L3MBTL4: variants seen among roughly 807,000 people sequenced by gnomAD.
L3MBTL4 encodes the protein L3MBTL histone methyl-lysine binding protein 4, also known as lethal(3)malignant brain tumor-like protein 4.
L3MBTL4 carries 70 observed loss-of-function variants against 84.5 expected under a neutral mutation model. The ratio of observed to expected loss-of-function variants is 0.83; its 90% CI spans 0.68 to 1.01. L3MBTL4 has a LOEUF of 1.01. L3MBTL4 is among the 50% of genes least tolerant of loss of function. The probability of loss-of-function intolerance (pLI) is 0.00; values close to 1 mark genes in which losing one functional copy is unlikely to be tolerated. For missense variants in L3MBTL4, 715 were observed against 754.8 expected (o/e 0.95, Z 0.62); for synonymous variants, 274 against 259.8 (o/e 1.05, Z -0.52).
intron 5 of L3MBTL4, among the ~76,000 whole-genome samples, chr18:6,252,990 T>G (rs1223563548): frequency 6.6e-6 from 1 of 152,086 alleles, no homozygotes. Context: ...GATCATGAGG[T>G]CAAGAGATCA....
chr18:5,997,717 A>T (rs1450046484), intron 16 of L3MBTL4, among the ~76,000 whole-genome samples: 1 of 151,982 alleles, frequency 6.6e-6, no homozygotes, highest in Non-Finnish European at 1.5e-5. Flanking sequence ...CTGTGCCCTG[A>T]TCACCTTGGG....
intron 13 of L3MBTL4, among the ~76,000 whole-genome samples, chr18:6,155,666 G>C (rs145596639): frequency 6.6e-6 from 1 of 152,068 alleles, no homozygotes; most frequent in African/African-American, 2.4e-5. Flanking sequence ...AAGCATAAAC[G>C]AAAAGTAACA....
intron 16 of L3MBTL4, among the ~76,000 whole-genome samples, chr18:6,005,512 C>T (rs1260475760): frequency 6.6e-6 from 1 of 152,122 alleles, no homozygotes; most frequent in Non-Finnish European, 1.5e-5. Flanking sequence ...TAAGTAGGCC[C>T]TGCTGTCTGT....
rs541868914 is a variant in L3MBTL4, at chr18:5,994,746, A to G, written c.1445-25184T>C. Among the ~76,000 whole-genome samples the G allele has an allele frequency of 1.0e-3, 154 of 152,258 alleles. 4 individuals carry two copies. The highest frequency in any genetic ancestry group is 9.9e-3 in the Admixed American group (151 of 15,292). ...GCGACTCCACCAAGCAGGGGCCCCA[A>G]TACTTGCTGGGTTCTCCTTAGACTG... On this transcript the variant is annotated intron_variant, in intron 16 of 18. Transcript: ENST00000317931.
intron 4 of L3MBTL4, among the ~76,000 whole-genome samples, chr18:6,284,209 A>T (rs1388312521): frequency 6.6e-6 from 1 of 152,226 alleles, no homozygotes; most frequent in Non-Finnish European, 1.5e-5. Flanking sequence ...TTAAGGAATT[A>T]GTCTATTCTA....
chr18:6,053,062 GTCTT>G (rs2056892067), intron 16 of L3MBTL4, among the ~76,000 whole-genome samples: 2 of 152,148 alleles, frequency 1.3e-5, no homozygotes, highest in South Asian at 2.1e-4. Context: ...TGTTCATTGT[GTCTT>G]TCTATTTTTA....
At chr18:6,277,329 A>C (rs1010358558) in intron 4 of L3MBTL4, among the ~76,000 whole-genome samples, 1 of 152,198 alleles carries the variant, frequency 6.6e-6, no homozygotes, top group African/African-American at 2.4e-5. Context: ...TCTTTAATCT[A>C]TTTGAAATTT....
rs181682654 is a variant in L3MBTL4 at position 6,321,535 on chromosome 18, A to G, written c.-90-9479T>C. Among the ~76,000 whole-genome samples the G allele has an allele frequency of 2.5e-3, 384 of 152,330 alleles. 2 individuals carry two copies. The highest frequency in any genetic ancestry group is 8.7e-3 in the African/African-American group (362 of 41,574). Reference sequence around the variant, plus strand: ...CTTTAAAAACTAAAAGATCTATTCAATTCAGCAATCCCACTACTGGGTATC... The same window carrying G: ...CTTTAAAAACTAAAAGATCTATTCAGTTCAGCAATCCCACTACTGGGTATC... On this transcript the variant is annotated intron_variant, in intron 1 of 18. Coordinates refer to ENST00000317931, the MANE Select transcript of L3MBTL4 (RefSeq NM_001330559.2).
At chr18:6,097,775 C>A (rs754635703) in intron 14 of L3MBTL4, among the ~76,000 whole-genome samples, 1 of 152,186 alleles carries the variant, frequency 6.6e-6, no homozygotes, top group Non-Finnish European at 1.5e-5. Flanking sequence ...AAATGTCTTG[C>A]CCTCTGCTTT....
At chr18:6,097,206 C>T (rs570627838) in intron 14 of L3MBTL4, among the ~76,000 whole-genome samples, 22 of 152,114 alleles carry the variant, frequency 1.4e-4, no homozygotes, top group African/African-American at 5.3e-4. Flanking sequence ...GCTAAATAAA[C>T]AAAAAGTTGC....
Position 5,969,639 on chromosome 18 carries a change from G to C in L3MBTL4, c.1445-77C>G, listed in dbSNP as rs943549954. On this transcript the variant is annotated intron_variant, in intron 16 of 18. Transcript: ENST00000317931. ...TGCTGTGTCAGCCCCGCAGTCCGGAGGGCCCAAGTCAGGGGACGGAAAGTG... is the reference window on the plus strand; with the variant it reads ...TGCTGTGTCAGCCCCGCAGTCCGGACGGCCCAAGTCAGGGGACGGAAAGTG... The C allele has an allele frequency of 2.7e-6, 4 of 1,465,430 alleles. No individual in the cohort carries two copies. In the East Asian group the frequency reaches 9.3e-5, roughly 34 times the overall value. 90.8% of individuals were successfully genotyped at this position (1,465,430 alleles called of 1,614,324 possible). A position where few individuals can be genotyped will look rare whatever the true frequency, so the allele number is the denominator to read the frequency against.
chr18:6,159,685 C>T (rs952994605), intron 13 of L3MBTL4, among the ~76,000 whole-genome samples: 1 of 152,172 alleles, frequency 6.6e-6, no homozygotes, highest in African/African-American at 2.4e-5. Context: ...AGGGCCAGCA[C>T]CACCAGGCCA....
At chr18:5,958,528 T>C (rs1467209888) in intron 18 of L3MBTL4, among the ~76,000 whole-genome samples, 1 of 152,164 alleles carries the variant, frequency 6.6e-6, no homozygotes, top group Non-Finnish European at 1.5e-5. Context: ...GGAGCTACAG[T>C]AATCTATTAT....
chr18:6,016,961 G>A (rs1272331094), intron 16 of L3MBTL4, among the ~76,000 whole-genome samples: 4 of 152,220 alleles, frequency 2.6e-5, no homozygotes, highest in Admixed American at 6.5e-5. Context: ...CTGACCATCC[G>A]CCTCTCAGGG....
At chr18:5,990,992 C>T (rs2053672375) in intron 16 of L3MBTL4, among the ~76,000 whole-genome samples, 1 of 152,132 alleles carries the variant, frequency 6.6e-6, no homozygotes, top group Non-Finnish European at 1.5e-5. Context: ...GTCTCTTGCC[C>T]AGTCCACCTT....
rs143006598 is a variant in L3MBTL4 at position 6,031,361 on chromosome 18, T to G, written c.1444+49520A>C. On this transcript the variant is annotated intron_variant, in intron 16 of 18. Transcript: ENST00000317931. The stretch of plus-strand genomic sequence containing the variant: ...AGATAAATGCCTTCCTTCACCTTAT[T>G]GTAGATAGCAAGAGAATGTATATGA... The G allele has an allele frequency of 1.6e-3, 1,558 of 985,452 alleles. 5 individuals are homozygous for G. Among genetic ancestry groups the G allele is most frequent in the Middle Eastern group, 0.01 (20 of 1,914 alleles). The allele number at this position is 985,452 out of a possible 1,614,324, so 61.0% of individuals were successfully genotyped here. A position where few individuals can be genotyped will look rare whatever the true frequency, so the allele number is the denominator to read the frequency against.
chr18:6,009,496 T>A (rs1163121072), intron 16 of L3MBTL4, among the ~76,000 whole-genome samples: 1 of 152,164 alleles, frequency 6.6e-6, no homozygotes, highest in Non-Finnish European at 1.5e-5. Flanking sequence ...AAAGGCCAGT[T>A]TTAGTACCAC....
chr18:6,090,492 T>C (rs907504854), intron 15 of L3MBTL4, among the ~76,000 whole-genome samples: 1 of 151,784 alleles, frequency 6.6e-6, no homozygotes, highest in Admixed American at 6.6e-5. Context: ...GGGCAATATC[T>C]AACCAAATTT....
rs547193233 is a variant in L3MBTL4, at chr18:6,208,027, T to C, written c.981+5122A>G. Among the ~76,000 whole-genome samples the C allele has an allele frequency of 1.2e-3, 176 of 152,084 alleles. 1 individual carries two copies. The highest frequency in any genetic ancestry group is 4.1e-3 in the African/African-American group (170 of 41,486). ...TACTCAGGAGGCTGAGGTGTGAGAA[T>C]TGTGTGAGCCCATGGAGGTCAAGGC... On this transcript the variant is annotated intron_variant, in intron 12 of 18. Transcript: ENST00000317931.
Sources: gnomAD v4.1 joint callset for allele counts (sites outside exome capture counted in the v4.1 genomes callset) on GRCh38, gnomAD v4.1.1 for gene constraint, MANE v1.5 for transcripts, NCBI Gene and HGNC (gene_info 2026-07-23, HGNC 2026-07-21) for gene names.